TAFA2: variants seen among roughly 807,000 people sequenced by gnomAD.
TAFA2 encodes the protein TAFA chemokine like family member 2.
A neutral mutation model predicts 18.8 loss-of-function variants in TAFA2; 7 were observed. That is an observed-to-expected ratio of 0.37 (90% CI 0.21 to 0.70). The LOEUF (loss-of-function observed/expected upper bound fraction) is 0.70, where lower values mean the gene tolerates loss of function less well. Ranked by LOEUF, TAFA2 falls within the 30% of genes least tolerant of loss-of-function variation. The pLI, the probability that TAFA2 is intolerant of heterozygous loss-of-function variation, is 0.53. For synonymous variants in TAFA2, 60 were observed against 54.2 expected, an observed-to-expected ratio of 1.11 and a Z score of -0.47; for missense variants, 122 against 158.1, an observed-to-expected ratio of 0.77 and a Z score of 1.23.
intron 1 of TAFA2, among the ~76,000 whole-genome samples, chr12:62,120,709 C>T (rs1488269937): frequency 2.0e-5 from 3 of 152,082 alleles, no homozygotes; most frequent in African/African-American, 7.2e-5. Context: ...CCACTCCAGG[C>T]TCTCTATTTT....
intron 1 of TAFA2, among the ~76,000 whole-genome samples, chr12:62,036,531 G>A (rs1881616613): frequency 6.6e-6 from 1 of 151,980 alleles, no homozygotes; most frequent in African/African-American, 2.4e-5. Flanking sequence ...TAGACTTTAG[G>A]GCTTCTTGTG....
chr12:61,842,368 T>G (rs960240675), intron 2 of TAFA2, among the ~76,000 whole-genome samples: 1 of 151,964 alleles, frequency 6.6e-6, no homozygotes, highest in Admixed American at 6.6e-5. Flanking sequence ...CAGATCAGCA[T>G]GTTTTTTTAT....
chr12:62,232,489 T>C (rs1421272336), intron 1 of TAFA2, among the ~76,000 whole-genome samples: 1 of 152,146 alleles, frequency 6.6e-6, no homozygotes, highest in Non-Finnish European at 1.5e-5. Flanking sequence ...AGAGGCAGGA[T>C]TCAAAATCTA....
intron 1 of TAFA2, among the ~76,000 whole-genome samples, chr12:61,965,330 A>G (rs7964628): frequency 0.087 from 13,162 of 151,926 alleles, 1,882 homozygotes; most frequent in African/African-American, 0.3. Context: ...CAAACCTGCC[A>G]GTGTCTCAAT....
intron 1 of TAFA2, among the ~76,000 whole-genome samples, chr12:62,087,937 T>C (rs779342920): frequency 2.0e-4 from 30 of 152,256 alleles, no homozygotes; most frequent in South Asian, 6.2e-4. Context: ...GTTTTCATTA[T>C]AAATAGGGTA....
At chr12:61,840,482 C>A (rs1873125969) in intron 2 of TAFA2, among the ~76,000 whole-genome samples, 1 of 151,394 alleles carries the variant, frequency 6.6e-6, no homozygotes, top group Non-Finnish European at 1.5e-5. Context: ...TGTTTCTTGA[C>A]AAATCTTCTT....
intron 1 of TAFA2, among the ~76,000 whole-genome samples, chr12:61,951,533 G>A (rs1445524698): frequency 1.3e-5 from 2 of 152,044 alleles, no homozygotes; most frequent in Non-Finnish European, 2.9e-5. Flanking sequence ...GAAAATTAAT[G>A]TCATGGTAAA....
At chr12:61,878,756 T>C (rs1485773599) in intron 1 of TAFA2, among the ~76,000 whole-genome samples, 1 of 152,212 alleles carries the variant, frequency 6.6e-6, no homozygotes, top group Non-Finnish European at 1.5e-5. Flanking sequence ...TTATATTATA[T>C]GTAAGTCTTG....
At chr12:62,051,305 A>G (rs1461594637) in intron 1 of TAFA2, among the ~76,000 whole-genome samples, 2 of 152,180 alleles carry the variant, frequency 1.3e-5, no homozygotes, top group Admixed American at 1.3e-4. Context: ...ATTCAGATCC[A>G]GAAACAAATT....
chr12:62,035,408 A>G (rs942721327), intron 1 of TAFA2, among the ~76,000 whole-genome samples: 1 of 152,190 alleles, frequency 6.6e-6, no homozygotes, highest in African/African-American at 2.4e-5. Context: ...GGGGAAAGCA[A>G]TCTAACCCAG....
At chr12:62,079,220 T>G (rs146297547) in intron 1 of TAFA2, among the ~76,000 whole-genome samples, 39 of 152,240 alleles carry the variant, frequency 2.6e-4, no homozygotes, top group African/African-American at 9.1e-4. Context: ...CTAGGGAAAT[T>G]GTTGGTCCCA....
chr12:62,185,622 T>C (rs1047173530), intron 1 of TAFA2, among the ~76,000 whole-genome samples: 2 of 152,202 alleles, frequency 1.3e-5, no homozygotes, highest in African/African-American at 4.8e-5. Context: ...TAACCAGGTT[T>C]CCTACTTTAA....
intron 1 of TAFA2, among the ~76,000 whole-genome samples, chr12:61,933,111 A>G (rs542316984): frequency 3.0e-4 from 46 of 152,272 alleles, no homozygotes; most frequent in African/African-American, 1.1e-3. Context: ...GTTCAGGGTA[A>G]AGGAGGTTCT....
At chr12:61,906,425 T>G (rs1217009877) in intron 1 of TAFA2, among the ~76,000 whole-genome samples, 5 of 152,206 alleles carry the variant, frequency 3.3e-5, no homozygotes. Context: ...AAGACGTGAC[T>G]TTGTTCCTCC....
intron 1 of TAFA2, among the ~76,000 whole-genome samples, chr12:61,888,280 T>C (rs991026996): frequency 1.3e-5 from 2 of 152,204 alleles, no homozygotes; most frequent in Non-Finnish European, 2.9e-5. Flanking sequence ...TTTATAAGTG[T>C]AGCCTACACA....
At chr12:62,234,013 A>C (rs1001498848) in intron 1 of TAFA2, among the ~76,000 whole-genome samples, 1 of 152,186 alleles carries the variant, frequency 6.6e-6, no homozygotes, top group African/African-American at 2.4e-5. Flanking sequence ...GCACATTCAG[A>C]AATTTTGTCT....
chr12:62,048,244 T>C (rs1881960706), intron 1 of TAFA2, among the ~76,000 whole-genome samples: 1 of 62,724 alleles, frequency 1.6e-5, no homozygotes, highest in Non-Finnish European at 3.5e-5. Context: ...AAACTTACAA[T>C]CATGGCAGAA....
At chr12:62,081,401 T>C (rs1364597620) in intron 1 of TAFA2, among the ~76,000 whole-genome samples, 1 of 152,132 alleles carries the variant, frequency 6.6e-6, no homozygotes, top group East Asian at 1.9e-4. Flanking sequence ...GAATAAATAT[T>C]TTTCCACAGC....
At chr12:62,212,627 T>C (rs1268594644) in intron 1 of TAFA2, among the ~76,000 whole-genome samples, 2 of 152,216 alleles carry the variant, frequency 1.3e-5, no homozygotes, top group Non-Finnish European at 2.9e-5. Context: ...TCTTGGTAGA[T>C]AGAATTGCTT....
Sources: gnomAD v4.1 joint callset for allele counts (sites outside exome capture counted in the v4.1 genomes callset) on GRCh38, gnomAD v4.1.1 for gene constraint, MANE v1.5 for transcripts, NCBI Gene and HGNC (gene_info 2026-07-23, HGNC 2026-07-21) for gene names.